MAGI2: variants seen among roughly 807,000 people sequenced by gnomAD.
MAGI2 encodes membrane associated guanylate kinase, WW and PDZ domain containing 2, also known as membrane-associated guanylate kinase, WW and PDZ domain-containing protein 2.
Under a neutral mutation model 133.3 loss-of-function variants are expected in MAGI2, and 35 were observed. The observed-to-expected ratio is 0.26, with a 90% CI of 0.20 to 0.35. The LOEUF is 0.35. Ranked by LOEUF, MAGI2 falls within the 10% of genes least tolerant of loss-of-function variation. The pLI is 1.00. For synonymous variants in MAGI2, 729 were observed against 710.6 expected (o/e 1.03, Z -0.41); for missense variants, 1,636 against 1,863.4 (o/e 0.88, Z 2.25).
chr7:78,929,102 C>T (rs1318125966), intron 2 of MAGI2, among the ~76,000 whole-genome samples: 1 of 151,854 alleles, frequency 6.6e-6, no homozygotes, highest in Non-Finnish European at 1.5e-5. Flanking sequence ...ATAGCTAATG[C>T]TAAAACATAA....
intron 2 of MAGI2, among the ~76,000 whole-genome samples, chr7:78,743,868 C>T (rs182275248): frequency 6.6e-5 from 10 of 152,238 alleles, no homozygotes; most frequent in African/African-American, 2.4e-4. Flanking sequence ...CTTACCATTC[C>T]ATTTTTTTTC....
At chr7:78,573,840 C>G (rs936743514) in intron 3 of MAGI2, among the ~76,000 whole-genome samples, 13 of 152,014 alleles carry the variant, frequency 8.6e-5, no homozygotes, top group Admixed American at 7.9e-4. Flanking sequence ...TTGCCTTCTC[C>G]ATAGAAGAAT....
At chr7:79,422,533 G>T (rs1847039889) in intron 1 of MAGI2, among the ~76,000 whole-genome samples, 1 of 151,922 alleles carries the variant, frequency 6.6e-6, no homozygotes, top group Non-Finnish European at 1.5e-5. Context: ...TTAAAAAAGT[G>T]ATAAACTAAA....
At chr7:78,311,973 GT>G (rs1283261379) in intron 9 of MAGI2, among the ~76,000 whole-genome samples, 3 of 152,020 alleles carry the variant, frequency 2.0e-5, no homozygotes, top group Non-Finnish European at 2.9e-5. Context: ...GTTTCACCAT[GT>G]TGGCCAGGTT....
At chr7:79,217,515 T>C (rs12530739) in intron 1 of MAGI2, among the ~76,000 whole-genome samples, 1,658 of 152,124 alleles carry the variant, frequency 0.011, 11 homozygotes, top group Non-Finnish European at 0.017. Flanking sequence ...TATTTATAAT[T>C]ATCATTTTAC....
At chr7:78,977,138 A>G (rs1804328476) in intron 2 of MAGI2, among the ~76,000 whole-genome samples, 1 of 151,770 alleles carries the variant, frequency 6.6e-6, no homozygotes, top group South Asian at 2.1e-4. Context: ...AGCCAACAAA[A>G]TAATGAAGAA....
At chr7:78,903,053 G>A (rs907206495) in intron 2 of MAGI2, among the ~76,000 whole-genome samples, 5 of 151,892 alleles carry the variant, frequency 3.3e-5, no homozygotes, top group African/African-American at 1.2e-4. Context: ...GGAAAGAGAA[G>A]GCAGTCTGAA....
chr7:78,228,935 A>G (rs1789681364), intron 10 of MAGI2, among the ~76,000 whole-genome samples: 2 of 152,220 alleles, frequency 1.3e-5, no homozygotes, highest in Admixed American at 1.3e-4. Flanking sequence ...CATTTACCTA[A>G]TACACTAGAT....
intron 1 of MAGI2, among the ~76,000 whole-genome samples, chr7:79,142,708 T>C (rs1197760296): frequency 6.6e-6 from 1 of 152,180 alleles, no homozygotes; most frequent in Non-Finnish European, 1.5e-5. Context: ...GAGTCTGTTA[T>C]TTTACTTGCC....
intron 1 of MAGI2, among the ~76,000 whole-genome samples, chr7:79,356,004 C>T (rs66930031): frequency 0.15 from 22,983 of 152,038 alleles, 1,922 homozygotes; most frequent in East Asian, 0.29. Flanking sequence ...GCAGATATTA[C>T]AAACAATATC....
chr7:78,311,510 G>C (rs891107179), intron 9 of MAGI2, among the ~76,000 whole-genome samples: 3 of 152,142 alleles, frequency 2.0e-5, no homozygotes, highest in African/African-American at 7.2e-5. Context: ...GGAAGTAGTA[G>C]GGACAGAATA....
At chr7:78,058,003 A>ATGTGTGTGTGTGTGTGTGTG (rs374332006) in intron 21 of MAGI2, among the ~76,000 whole-genome samples, 1 of 117,028 alleles carries the variant, frequency 8.5e-6, no homozygotes, top group East Asian at 2.3e-4. Context: ...ATATATATAT[A>ATGTGTGTGTGTGTGTGTGTG]TGTATGAGAA....
chr7:79,392,371 C>G (rs1198477354), intron 1 of MAGI2, among the ~76,000 whole-genome samples: 1 of 152,068 alleles, frequency 6.6e-6, no homozygotes, highest in Non-Finnish European at 1.5e-5. Flanking sequence ...TGGGTATATA[C>G]CCAGTAATGG....
intron 6 of MAGI2, among the ~76,000 whole-genome samples, chr7:78,458,879 C>T (rs1789654409): frequency 6.6e-6 from 1 of 152,160 alleles, no homozygotes; most frequent in African/African-American, 2.4e-5. Flanking sequence ...CGTGATCCGC[C>T]CGCCTTGGCT....
intron 1 of MAGI2, among the ~76,000 whole-genome samples, chr7:79,447,403 A>G (rs1306990366): frequency 6.6e-6 from 1 of 152,140 alleles, no homozygotes; most frequent in Non-Finnish European, 1.5e-5. Flanking sequence ...AGGCAGTTGT[A>G]TGTTTGTTGT....
At chr7:78,898,547 A>G (rs1260332336) in intron 2 of MAGI2, among the ~76,000 whole-genome samples, 3 of 152,192 alleles carry the variant, frequency 2.0e-5, no homozygotes, top group Non-Finnish European at 4.4e-5. Context: ...GCAAACTAAC[A>G]CAGAAACAGA....
intron 1 of MAGI2, among the ~76,000 whole-genome samples, chr7:79,018,538 C>T (rs1432585592): frequency 2.6e-5 from 4 of 152,172 alleles, no homozygotes; most frequent in African/African-American, 9.7e-5. Flanking sequence ...ATCAAATCCA[C>T]ACATATCAAC....
intron 2 of MAGI2, among the ~76,000 whole-genome samples, chr7:79,005,835 T>C (rs184232741): frequency 6.6e-6 from 1 of 152,322 alleles, no homozygotes; most frequent in East Asian, 1.9e-4. Flanking sequence ...AAGAATGCAC[T>C]TTTCTCAACT....
chr7:78,089,958 G>A (rs1392101755), intron 20 of MAGI2, among the ~76,000 whole-genome samples: 1 of 152,134 alleles, frequency 6.6e-6, no homozygotes, highest in Non-Finnish European at 1.5e-5. Flanking sequence ...TTGTCCCTGT[G>A]ACCTTCTGGC....
Sources: allele counts gnomAD v4.1 joint callset (sites outside exome capture counted in the v4.1 genomes callset), GRCh38; gene constraint gnomAD v4.1.1; transcripts MANE v1.5; gene names NCBI Gene and HGNC (gene_info 2026-07-23, HGNC 2026-07-21).